The following RIMS2 variants were observed in gnomAD, a reference collection of about 807,000 sequenced individuals.
RIMS2 encodes the protein regulating synaptic membrane exocytosis protein 2.
RIMS2 carries 59 observed loss-of-function variants against 174.4 expected under a neutral mutation model. The observed-to-expected ratio is 0.34, with a 90% CI of 0.27 to 0.42. RIMS2 has a LOEUF of 0.42. Among genes scored for constraint, RIMS2 ranks in the 10% least tolerant of loss-of-function variants. The pLI is 1.00. For missense variants in RIMS2, 1,620 were observed against 1,666.3 expected (o/e 0.97, Z 0.48); for synonymous variants, 606 against 572.5 (o/e 1.06, Z -0.84).
chr8:103,849,064 C>T (rs944453836), intron 3 of RIMS2, among the ~76,000 whole-genome samples: 3 of 152,042 alleles, frequency 2.0e-5, no homozygotes, highest in Non-Finnish European at 4.4e-5. Flanking sequence ...TTCTCTCATA[C>T]CTTTGAAATG....
chr8:104,167,206 A>G (rs1406069007), intron 19 of RIMS2, among the ~76,000 whole-genome samples: 2 of 152,204 alleles, frequency 1.3e-5, no homozygotes, highest in African/African-American at 4.8e-5. Flanking sequence ...ACTGTTTTCC[A>G]TAGTGATTGT....
At chr8:103,526,071 TAAG>T (rs1050608926) in intron 1 of RIMS2, among the ~76,000 whole-genome samples, 2 of 152,194 alleles carry the variant, frequency 1.3e-5, no homozygotes, top group Admixed American at 1.3e-4. Flanking sequence ...GCTGAGAAGC[TAAG>T]AAGAGCTTTT....
At chr8:103,997,781 T>C (rs2095193201) in intron 17 of RIMS2, among the ~76,000 whole-genome samples, 1 of 151,748 alleles carries the variant, frequency 6.6e-6, no homozygotes, top group South Asian at 2.1e-4. Flanking sequence ...AATAGTTACC[T>C]TTTAAATTTC....
At chr8:104,020,052 A>G (rs1345784119) in intron 19 of RIMS2, among the ~76,000 whole-genome samples, 1 of 152,102 alleles carries the variant, frequency 6.6e-6, no homozygotes, top group East Asian at 1.9e-4. Flanking sequence ...AAATTAACAT[A>G]AAAGCATAAC....
chr8:103,774,718 G>A (rs1478471826), intron 3 of RIMS2, among the ~76,000 whole-genome samples: 1 of 152,110 alleles, frequency 6.6e-6, no homozygotes, highest in Non-Finnish European at 1.5e-5. Flanking sequence ...AGGTCAAGAA[G>A]AGATAAAACA....
chr8:103,912,974 T>TTTG (rs1478606204), intron 6 of RIMS2, among the ~76,000 whole-genome samples: 5 of 143,848 alleles, frequency 3.5e-5, no homozygotes, highest in South Asian at 2.3e-4. Context: ...TTTGTTGTTT[T>TTTG]TTTTTTTTTT....
chr8:103,841,394 C>A (rs1021309832), intron 3 of RIMS2, among the ~76,000 whole-genome samples: 1 of 151,604 alleles, frequency 6.6e-6, no homozygotes, highest in African/African-American at 2.4e-5. Context: ...TTTTAAAAAT[C>A]TTTTTTATTA....
At chr8:103,999,920 A>T (rs1324973561) in intron 17 of RIMS2, among the ~76,000 whole-genome samples, 1 of 151,812 alleles carries the variant, frequency 6.6e-6, no homozygotes, top group African/African-American at 2.4e-5. Flanking sequence ...GTGCTGAGAA[A>T]ACAGAGATCA....
chr8:103,885,902 A>AC lies in RIMS2; in HGVS notation c.1308dup (p.Arg437GlnfsTer9). On this transcript the variant is annotated frameshift_variant, in exon 4 of 24. Transcript: ENST00000504942. LOFTEE classifies it high-confidence loss of function. Reference sequence around the variant, plus strand: ...AAGGACCACAAACCATAGTCCTCCTACCCCCAGGAGGAGTCCACTACCCAT... The same window carrying AC: ...AAGGACCACAAACCATAGTCCTCCTACCCCCCAGGAGGAGTCCACTACCCAT... The AC allele has an allele frequency of 6.2e-7, 1 of 1,612,252 alleles. No individual in the cohort carries two copies. Among genetic ancestry groups the AC allele is most frequent in the Non-Finnish European group, 8.5e-7 (1 of 1,178,878 alleles).
chr8:104,137,175 G>A (rs1034182659), intron 19 of RIMS2, among the ~76,000 whole-genome samples: 4 of 152,114 alleles, frequency 2.6e-5, no homozygotes, highest in African/African-American at 9.7e-5. Context: ...TTTCTTCAAG[G>A]CCACAGACCA....
intron 19 of RIMS2, among the ~76,000 whole-genome samples, chr8:104,024,244 C>G (rs951795375): frequency 6.6e-6 from 1 of 152,136 alleles, no homozygotes; most frequent in Non-Finnish European, 1.5e-5. Context: ...CACGTGGCCT[C>G]GAACCTTTTG....
intron 2 of RIMS2, among the ~76,000 whole-genome samples, chr8:103,727,650 G>A (rs1308994934): frequency 6.6e-6 from 1 of 152,128 alleles, no homozygotes; most frequent in East Asian, 1.9e-4. Flanking sequence ...TTATTCTTCT[G>A]TGTATGGATA....
At chr8:104,045,201 A>G (rs1280264211) in intron 19 of RIMS2, among the ~76,000 whole-genome samples, 1 of 151,870 alleles carries the variant, frequency 6.6e-6, no homozygotes, top group Non-Finnish European at 1.5e-5. Flanking sequence ...GTCAAAATGT[A>G]TGTTTTATGT....
At chr8:103,835,370 G>T (rs2098874764) in intron 3 of RIMS2, among the ~76,000 whole-genome samples, 1 of 152,018 alleles carries the variant, frequency 6.6e-6, no homozygotes, top group Non-Finnish European at 1.5e-5. Context: ...CAAAGTGCCG[G>T]GATTACAGGC....
chr8:103,832,302 T>A (rs1237199855), intron 3 of RIMS2, among the ~76,000 whole-genome samples: 2 of 152,184 alleles, frequency 1.3e-5, no homozygotes, highest in Admixed American at 6.5e-5. Context: ...TTTAGGCATT[T>A]GTTTTATGGG....
intron 19 of RIMS2, among the ~76,000 whole-genome samples, chr8:104,098,064 G>A (rs77410239): frequency 0.021 from 3,160 of 152,186 alleles, 44 homozygotes; most frequent in Middle Eastern, 0.11. Flanking sequence ...AGATCTTACT[G>A]CATGATTATG....
chr8:103,864,466 G>C (rs1262900034), intron 3 of RIMS2, among the ~76,000 whole-genome samples: 1 of 151,950 alleles, frequency 6.6e-6, no homozygotes, highest in Non-Finnish European at 1.5e-5. Flanking sequence ...TAGTTTCCAG[G>C]TACTTGTGTG....
At chr8:104,063,117 C>G (rs953778175) in intron 19 of RIMS2, among the ~76,000 whole-genome samples, 2 of 151,842 alleles carry the variant, frequency 1.3e-5, no homozygotes, top group African/African-American at 4.8e-5. Context: ...AAACATTTTT[C>G]ATTTGGGAAT....
chr8:104,102,494 T>TAATAGGAAATTCA (rs1234954041), intron 19 of RIMS2, among the ~76,000 whole-genome samples: 1 of 152,230 alleles, frequency 6.6e-6, no homozygotes, highest in Admixed American at 6.5e-5. Context: ...GAGATTAGTT[T>TAATAGGAAATTCA]AATAGGAAAT....
Sources: gnomAD v4.1 joint callset for allele counts (sites outside exome capture counted in the v4.1 genomes callset) on GRCh38, gnomAD v4.1.1 for gene constraint, MANE v1.5 for transcripts, NCBI Gene and HGNC (gene_info 2026-07-23, HGNC 2026-07-21) for gene names.